Variants in C11orf65 observed in about 807,000 individuals in gnomAD.
C11orf65 encodes protein MFI.
Under a neutral mutation model 35.3 loss-of-function variants are expected in C11orf65, and 38 were observed. The observed-to-expected ratio is 1.08, with a 90% CI of 0.83 to 1.41. C11orf65 has a LOEUF of 1.41. Among genes scored for constraint, C11orf65 ranks in the 40% most tolerant of loss-of-function variants. C11orf65 has a pLI of 0.00. For missense variants in C11orf65, 370 were observed against 367.1 expected (o/e 1.01, Z -0.06); for synonymous variants, 105 against 114.4 (o/e 0.92, Z 0.53).
At chr11:108,462,632 A>C (rs1411657970) in intron 1 of C11orf65, 1 of 152,224 alleles carries the variant, frequency 6.6e-6, no homozygotes, top group Non-Finnish European at 1.5e-5. Flanking sequence ...CCCTAACCTA[A>C]AATTAGACCT....
At chr11:108,370,423 CAG>C (rs1366878225) in intron 2 of C11orf65, among the ~76,000 whole-genome samples, 1 of 150,372 alleles carries the variant, frequency 6.7e-6, no homozygotes, top group African/African-American at 2.4e-5. Context: ...TGAATAATGT[CAG>C]AAATGGAATT....
chr11:108,365,070 C>T (rs747346821), intron 2 of C11orf65: 1 of 1,613,334 alleles, frequency 6.2e-7, no homozygotes, highest in Non-Finnish European at 8.5e-7. Context: ...TACATATGTT[C>T]TCTCTGTTTA....
At chr11:108,446,394 T>A (rs1440111990) in intron 2 of C11orf65, among the ~76,000 whole-genome samples, 1 of 151,600 alleles carries the variant, frequency 6.6e-6, no homozygotes, top group Non-Finnish European at 1.5e-5. Flanking sequence ...AAGGTCGGGT[T>A]ACCCACAAAG....
intron 2 of C11orf65, among the ~76,000 whole-genome samples, chr11:108,432,040 T>C (rs897200629): frequency 1.3e-5 from 2 of 152,212 alleles, no homozygotes; most frequent in East Asian, 1.9e-4. Flanking sequence ...AAGAGATTTA[T>C]TCTTAAATTT....
chr11:108,446,965 A>C (rs11823796), intron 2 of C11orf65, among the ~76,000 whole-genome samples: 4,029 of 152,242 alleles, frequency 0.026, 190 homozygotes, highest in African/African-American at 0.092. Context: ...AAAACAAAAA[A>C]AGGCAGGGGT....
At chr11:108,380,196 T>C (rs1472963919), downstream of C11orf65, among the ~76,000 whole-genome samples, 4 of 152,290 alleles carry the variant, frequency 2.6e-5, no homozygotes, top group East Asian at 1.9e-4. Flanking sequence ...TAAAACTGCA[T>C]TGATGCCTTA....
At chr11:108,446,819 T>C (rs1261900210) in intron 2 of C11orf65, among the ~76,000 whole-genome samples, 2 of 152,140 alleles carry the variant, frequency 1.3e-5, no homozygotes, top group Non-Finnish European at 2.9e-5. Flanking sequence ...AATGCTCCAA[T>C]TAAAAGACAC....
chr11:108,391,294 T>C (rs1036515508), intron 7 of C11orf65, among the ~76,000 whole-genome samples: 3 of 152,256 alleles, frequency 2.0e-5, no homozygotes, highest in Non-Finnish European at 4.4e-5. Flanking sequence ...ATAATTCATA[T>C]GCCATACAAT....
At chr11:108,385,882 T>C (rs757149913) in intron 8 of C11orf65, 38 bp downstream of exon 8, 54 of 1,560,502 alleles carry the variant, frequency 3.5e-5, no homozygotes, top group Non-Finnish European at 4.7e-5. Context: ...TTTTTGTTCA[T>C]GAGAATTTCC....
chr11:108,440,692 T>A (rs917664327), intron 2 of C11orf65, among the ~76,000 whole-genome samples: 2 of 152,156 alleles, frequency 1.3e-5, no homozygotes, highest in Admixed American at 1.3e-4. Flanking sequence ...CTGTTCTCAC[T>A]CAGAATGAAC....
chr11:108,458,355 C>CAAAAA (rs755107073), intron 2 of C11orf65, among the ~76,000 whole-genome samples: 5 of 35,860 alleles, frequency 1.4e-4, no homozygotes, highest in African/African-American at 5.8e-4. Flanking sequence ...GACTCTGTCT[C>CAAAAA]AAAAAAAAAA....
intron 2 of C11orf65, among the ~76,000 whole-genome samples, chr11:108,376,904 C>A (rs1334362173): frequency 6.6e-6 from 1 of 152,004 alleles, no homozygotes; most frequent in African/African-American, 2.4e-5. Flanking sequence ...TTCCTCGACA[C>A]ATACACTCTC....
exon 7 of C11orf65, chr11:108,308,533 C>A: frequency 5.4e-6 from 1 of 185,258 alleles, no homozygotes; most frequent in African/African-American, 2.4e-5. Context: ...AGATTTTTAA[C>A]AGTGCATACA....
chr11:108,318,797 A>G (rs1220071872), intron 6 of C11orf65, among the ~76,000 whole-genome samples: 1 of 152,184 alleles, frequency 6.6e-6, no homozygotes, highest in Admixed American at 6.5e-5. Context: ...CTAATAAAGG[A>G]TTTCATATTT....
At chr11:108,461,987 T>C (rs1009806300) in intron 1 of C11orf65, among the ~76,000 whole-genome samples, 1 of 152,156 alleles carries the variant, frequency 6.6e-6, no homozygotes, top group Non-Finnish European at 1.5e-5. Context: ...AATAGAGTTG[T>C]ATAAATAAAA....
chr11:108,336,071 A>G, intron 2 of C11orf65: 1 of 812,996 alleles, frequency 1.2e-6, no homozygotes, highest in Admixed American at 2.0e-5. Flanking sequence ...CCAAGGTGGG[A>G]GGATTGCTTG....
rs745773670 is a variant in C11orf65, at chr11:108,441,934, C to A, written c.82-10096G>T. ...CCTCTTCTCCTCCAAAGGAATGCAG[C>A]TCCTTGCCAGCAACAGAACAAAGCT... is the stretch of plus-strand genomic sequence containing the variant. On this transcript the variant is annotated intron_variant, in intron 2 of 8. Transcript: ENST00000393084. Among the ~76,000 whole-genome samples, 40 of 152,322 alleles carry A rather than the reference C, an allele frequency of 2.6e-4. No homozygotes were observed. In the Middle Eastern group the frequency reaches 0.014, roughly 52 times the overall value.
At chr11:108,374,066 C>T (rs187575670) in intron 2 of C11orf65, among the ~76,000 whole-genome samples, 1 of 152,102 alleles carries the variant, frequency 6.6e-6, no homozygotes, top group Non-Finnish European at 1.5e-5. Context: ...AGGAGGCCTG[C>T]CTGCCTCTGT....
At chr11:108,427,536 G>A (rs11212626) in intron 3 of C11orf65, among the ~76,000 whole-genome samples, 54,106 of 149,300 alleles carry the variant, frequency 0.36, 11,083 homozygotes, top group Middle Eastern at 0.64. Flanking sequence ...TGGCTAACAC[G>A]GTGAAACCCC....
Sources: allele counts gnomAD v4.1 joint callset (sites outside exome capture counted in the v4.1 genomes callset), GRCh38; gene constraint gnomAD v4.1.1; transcripts MANE v1.5; gene names NCBI Gene and HGNC (gene_info 2026-07-23, HGNC 2026-07-21).